Variants in PKP4 observed in about 807,000 individuals in gnomAD.
PKP4 encodes the protein plakophilin-4.
In PKP4, 90 loss-of-function variants were observed where a neutral mutation model predicts 145.1. That is an observed-to-expected ratio of 0.62 (90% confidence interval 0.52 to 0.74). The LOEUF is 0.74. PKP4 is among the 30% of genes least tolerant of loss of function. PKP4 has a pLI of 0.00. For missense variants in PKP4, 1,340 were observed against 1,482.7 expected, an observed-to-expected ratio of 0.90 and a Z score of 1.58; for synonymous variants, 563 against 577.2, an observed-to-expected ratio of 0.98 and a Z score of 0.35.
intron 4 of PKP4, among the ~76,000 whole-genome samples, chr2:158,612,185 T>A (rs1261937908): frequency 6.6e-6 from 1 of 152,096 alleles, no homozygotes; most frequent in Non-Finnish European, 1.5e-5. Flanking sequence ...CTGTTAACTG[T>A]GTTTGTATGT....
intron 7 of PKP4, among the ~76,000 whole-genome samples, chr2:158,627,650 A>AATATATATAT (rs3836167): frequency 0.069 from 10,111 of 147,456 alleles, 404 homozygotes; most frequent in South Asian, 0.11. Context: ...AAACTACAGA[A>AATATATATAT]ATATATATAT....
intron 1 of PKP4, among the ~76,000 whole-genome samples, chr2:158,496,688 GCTGA>G (rs1398020618): frequency 6.6e-6 from 1 of 151,936 alleles, no homozygotes; most frequent in Non-Finnish European, 1.5e-5. Context: ...AACAAAGCAA[GCTGA>G]CTGAGAAATT....
chr2:158,669,611 C>A, intron 16 of PKP4, 109 bp from the exon 17 acceptor site: 1 of 828,428 alleles, frequency 1.2e-6, no homozygotes, highest in Non-Finnish European at 1.7e-6. Context: ...CTATTATTGT[C>A]TCTTTGGGGG....
At chr2:158,588,274 C>G (rs560252022) in intron 3 of PKP4, 3 of 152,074 alleles carry the variant, frequency 2.0e-5, no homozygotes, top group Non-Finnish European at 2.9e-5. Context: ...AGTTGCCACC[C>G]CCTTGAGCAG....
chr2:158,507,182 C>T (rs964242640), intron 1 of PKP4, among the ~76,000 whole-genome samples: 1 of 152,018 alleles, frequency 6.6e-6, no homozygotes, highest in Non-Finnish European at 1.5e-5. Context: ...TGCAGTGGTG[C>T]AGATATATTG....
intron 1 of PKP4, among the ~76,000 whole-genome samples, chr2:158,462,545 G>C (rs1689930602): frequency 6.6e-6 from 1 of 152,084 alleles, no homozygotes; most frequent in African/African-American, 2.4e-5. Flanking sequence ...ATATCATTTT[G>C]GGAAGTGAGG....
At chr2:158,534,508 T>G (rs2043861054) in intron 2 of PKP4, among the ~76,000 whole-genome samples, 1 of 152,170 alleles carries the variant, frequency 6.6e-6, no homozygotes, top group South Asian at 2.1e-4. Context: ...TCTGTTATCT[T>G]TAGGAGAGAA....
intron 11 of PKP4, among the ~76,000 whole-genome samples, chr2:158,650,299 T>C (rs1329267299): frequency 6.6e-6 from 1 of 152,218 alleles, no homozygotes; most frequent in Non-Finnish European, 1.5e-5. Flanking sequence ...GAAATGCCTT[T>C]CCAGGGAACA....
In PKP4 at chr2:158,662,921, C is replaced by T; in HGVS notation, c.2236C>T (p.Leu746=). ...GACGGTGGAGAACTGCGTGTGCACCCTGAGGAACCTGTCCTATCGGCTGGA... is the reference window on the plus strand; with the variant it reads ...GACGGTGGAGAACTGCGTGTGCACCTTGAGGAACCTGTCCTATCGGCTGGA... ...SKTVENCVCT[L]RNLSYRLELE... The change falls in exon 14 of 22, where the codon CTG becomes TTG. Residue 746 remains leucine, a synonymous_variant. Coordinates refer to ENST00000389759, the MANE Select transcript of PKP4 (RefSeq NM_003628.6). 1 of 1,608,002 alleles carries T rather than the reference C, an allele frequency of 6.2e-7. No homozygotes were observed. Among genetic ancestry groups the T allele is most frequent in the Non-Finnish European group, 8.5e-7 (1 of 1,178,256 alleles).
chr2:158,487,592 A>G (rs748532522), intron 1 of PKP4, among the ~76,000 whole-genome samples: 22 of 152,216 alleles, frequency 1.4e-4, no homozygotes, highest in South Asian at 6.2e-4. Flanking sequence ...AAATGTTTAT[A>G]TAATTATTCA....
rs868624597 is a variant in PKP4, at chr2:158,540,106, C to T, written c.132+6790C>T. On this transcript the variant is annotated intron_variant, in intron 2 of 21. Transcript: ENST00000389759. ...CATTTGGCTACCTGCCTACATTTTC[C>T]GATAGTCTGATGAATGATCAGATGG... 3.9e-5 allele frequency among the ~76,000 whole-genome samples: 6 copies of T among 152,278 alleles called. No individual in the cohort carries two copies. In the South Asian group the frequency reaches 6.2e-4, roughly 16 times the overall value.
intron 1 of PKP4, among the ~76,000 whole-genome samples, chr2:158,522,929 A>C (rs2042541292): frequency 6.6e-6 from 1 of 152,214 alleles, no homozygotes; most frequent in Non-Finnish European, 1.5e-5. Flanking sequence ...AGACCGGCTT[A>C]AAAAACGGCG....
intron 9 of PKP4, among the ~76,000 whole-genome samples, chr2:158,639,853 G>A (rs573737946): frequency 1.3e-5 from 2 of 152,270 alleles, no homozygotes; most frequent in African/African-American, 4.8e-5. Flanking sequence ...GTGGCCAGGC[G>A]CATGGCCTTT....
chr2:158,494,650 CA>C (rs1695418681), intron 1 of PKP4, among the ~76,000 whole-genome samples: 1 of 152,116 alleles, frequency 6.6e-6, no homozygotes, highest in South Asian at 2.1e-4. Flanking sequence ...TAAATATCCC[CA>C]TTATAAATAA....
chr2:158,660,055 G>C (rs796434454), intron 12 of PKP4: 2 of 152,580 alleles, frequency 1.3e-5, no homozygotes, highest in Admixed American at 6.6e-5. Context: ...CTAATAGATC[G>C]AATATTAAGA....
chr2:158,492,533 G>T (rs1452521476), intron 1 of PKP4, among the ~76,000 whole-genome samples: 1 of 151,928 alleles, frequency 6.6e-6, no homozygotes, highest in Non-Finnish European at 1.5e-5. Flanking sequence ...TTTCCCTTTG[G>T]CTTCCGCCAC....
chr2:158,469,508 G>T (rs1691218618), intron 1 of PKP4, among the ~76,000 whole-genome samples: 1 of 152,104 alleles, frequency 6.6e-6, no homozygotes, highest in African/African-American at 2.4e-5. Context: ...GCTAAATGAA[G>T]TCTTCGTGAT....
intron 6 of PKP4, among the ~76,000 whole-genome samples, chr2:158,624,169 C>A (rs369162949): frequency 1.3e-5 from 2 of 152,118 alleles, no homozygotes; most frequent in African/African-American, 4.8e-5. Flanking sequence ...ACTCATAGAT[C>A]AGAAGAGGTA....
At chr2:158,511,759 G>T (rs544031391) in intron 1 of PKP4, among the ~76,000 whole-genome samples, 3 of 152,162 alleles carry the variant, frequency 2.0e-5, no homozygotes, top group East Asian at 3.9e-4. Context: ...CTTTCATGTA[G>T]AATATGATTA....
Sources: gnomAD v4.1 joint callset for allele counts (sites outside exome capture counted in the v4.1 genomes callset) on GRCh38, gnomAD v4.1.1 for gene constraint, MANE v1.5 for transcripts, NCBI Gene and HGNC (gene_info 2026-07-23, HGNC 2026-07-21) for gene names.